Variants in SFSWAP observed in about 807,000 individuals in gnomAD.
SFSWAP encodes the protein splicing factor SWAP.
SFSWAP carries 17 observed loss-of-function variants against 100.7 expected under a neutral mutation model. The observed-to-expected ratio is 0.17, with a 90% CI of 0.12 to 0.25. SFSWAP has a LOEUF of 0.25. Ranked by LOEUF, SFSWAP falls within the 10% of genes least tolerant of loss-of-function variation. The pLI is 1.00. For synonymous variants in SFSWAP, 504 were observed against 510.1 expected (o/e 0.99, Z 0.16); for missense variants, 1,005 against 1,262.6 (o/e 0.80, Z 3.09).
In SFSWAP at chr12:131,797,335, C is replaced by T. The variant is rs749404715; in HGVS notation, c.2692C>T (p.Arg898Trp). The T allele has an allele frequency of 9.3e-6, 15 of 1,609,732 alleles. No homozygotes were observed. The highest frequency in any genetic ancestry group is 1.7e-5 in the Admixed American group (1 of 59,550). The change falls in exon 16 of 18, where the codon CGG becomes TGG. Residue 898 changes from arginine (R) to tryptophan (W), a missense_variant. Coordinates refer to ENST00000261674, the MANE Select transcript of SFSWAP (RefSeq NM_004592.4). Reference protein sequence around the residue: ...HSASVSPVESRGSSQERSRGV... With the variant: ...HSASVSPVESWGSSQERSRGV... ...AGCCAGCGTCTCCCCTGTGGAGAGTCGGGGCTCCAGCCAGGAGCGCTCCAG... is the reference window on the plus strand; with the variant it reads ...AGCCAGCGTCTCCCCTGTGGAGAGTTGGGGCTCCAGCCAGGAGCGCTCCAG...
intron 13 of SFSWAP, among the ~76,000 whole-genome samples, chr12:131,769,456 G>A (rs572677821): frequency 3.3e-5 from 5 of 152,218 alleles, no homozygotes; most frequent in East Asian, 1.9e-4. Context: ...CGTGTATGTC[G>A]TCATAAAATT....
chr12:131,785,133 AG>A (rs1260997274), intron 14 of SFSWAP: 1 of 1,535,584 alleles, frequency 6.5e-7, no homozygotes, highest in Non-Finnish European at 8.7e-7. Context: ...CGTCAGTGAC[AG>A]CGGCAGCCGA....
In SFSWAP at chr12:131,734,601, C is replaced by T. The variant is rs1346794963; in HGVS notation, c.1081+6173C>T. The stretch of plus-strand genomic sequence containing the variant: ...GACCCGGAGCTCTGTGAGGCAAAGG[C>T]TGGGACTGTCTTACTAGCCAGCGTG... On this transcript the variant is annotated intron_variant, in intron 7 of 17. Transcript: ENST00000261674. This position sits in a 1 kb window ranked among gnomAD's most constrained non-coding sequence, Gnocchi z 4.9. Among the ~76,000 whole-genome samples, 1 of 152,204 alleles carries T rather than the reference C, an allele frequency of 6.6e-6. No individual in the cohort carries two copies. Among genetic ancestry groups the T allele is most frequent in the East Asian group, 1.9e-4 (1 of 5,196 alleles).
intron 11 of SFSWAP, among the ~76,000 whole-genome samples, chr12:131,763,283 C>G (rs1882830023): frequency 6.6e-6 from 1 of 152,200 alleles, no homozygotes; most frequent in South Asian, 2.1e-4. Context: ...CAGAAGCGGC[C>G]TTGTTTACCC....
intron 6 of SFSWAP, among the ~76,000 whole-genome samples, chr12:131,727,592 C>A (rs1566009388): frequency 6.6e-6 from 1 of 152,088 alleles, no homozygotes; most frequent in Non-Finnish European, 1.5e-5. Flanking sequence ...TTGCAGTGAG[C>A]CAAGATCACA....
intron 11 of SFSWAP, among the ~76,000 whole-genome samples, chr12:131,759,598 G>C (rs571651966): frequency 3.4e-4 from 52 of 152,140 alleles, no homozygotes; most frequent in African/African-American, 1.2e-3. Flanking sequence ...AGGAGATCGA[G>C]ACCATCCTGG....
At chr12:131,728,143 C>A in intron 6 of SFSWAP, 150 bp from the exon 7 acceptor site, 1 of 818,060 alleles carries the variant, frequency 1.2e-6, no homozygotes, top group Non-Finnish European at 1.9e-6. Context: ...GGCATTTGGC[C>A]ACAACTCGTT....
At chr12:131,749,265 G>A (rs554562937) in intron 7 of SFSWAP, among the ~76,000 whole-genome samples, 16 of 152,256 alleles carry the variant, frequency 1.1e-4, no homozygotes, top group East Asian at 7.7e-4. Flanking sequence ...AAGTAGCCTC[G>A]CTATAAGCCC....
At chr12:131,781,368 GCTGGGA>G (rs1274695371) in intron 14 of SFSWAP, among the ~76,000 whole-genome samples, 1 of 151,274 alleles carries the variant, frequency 6.6e-6, no homozygotes, top group African/African-American at 2.4e-5. Context: ...CTCCCGAGTA[GCTGGGA>G]CTACAGGCGC....
chr12:131,797,058 C>T (rs1885728795), intron 15 of SFSWAP, 120 bp from the exon 16 acceptor site: 9 of 803,538 alleles, frequency 1.1e-5, no homozygotes, highest in East Asian at 2.4e-5. Flanking sequence ...GGAGTGGTTC[C>T]GTCCCTGAAT....
At chr12:131,736,108 A>G (rs1451644658) in intron 7 of SFSWAP, among the ~76,000 whole-genome samples, 1 of 152,202 alleles carries the variant, frequency 6.6e-6, no homozygotes, top group East Asian at 1.9e-4. Flanking sequence ...ACAAGGCGGC[A>G]CCAGCACAGA....
At chr12:131,720,701 G>A (rs1355941676) in intron 4 of SFSWAP, among the ~76,000 whole-genome samples, 1 of 152,152 alleles carries the variant, frequency 6.6e-6, no homozygotes, top group Non-Finnish European at 1.5e-5. Context: ...GAATTTGATG[G>A]TTCTTACCCT....
At chr12:131,774,546 C>A (rs540415291) in intron 13 of SFSWAP, among the ~76,000 whole-genome samples, 1 of 152,316 alleles carries the variant, frequency 6.6e-6, no homozygotes, top group Non-Finnish European at 1.5e-5. Context: ...GTCTGCCCCC[C>A]TACATTCAAA....
intron 13 of SFSWAP, among the ~76,000 whole-genome samples, chr12:131,767,525 CTG>C (rs1883211160): frequency 6.6e-6 from 1 of 152,136 alleles, no homozygotes; most frequent in Admixed American, 6.6e-5. Flanking sequence ...TGTGACAAAA[CTG>C]GGCATTTTAG....
At chr12:131,781,780 T>C (rs1467106815) in intron 14 of SFSWAP, among the ~76,000 whole-genome samples, 1 of 152,210 alleles carries the variant, frequency 6.6e-6, no homozygotes, top group Non-Finnish European at 1.5e-5. Flanking sequence ...AGGTAGTATC[T>C]ACATACTTCT....
intron 13 of SFSWAP, among the ~76,000 whole-genome samples, chr12:131,774,232 G>A (rs774732911): frequency 3.9e-5 from 6 of 152,316 alleles, no homozygotes; most frequent in Non-Finnish European, 5.9e-5. Flanking sequence ...ACGCCGCAGT[G>A]TTGGTTATCC....
Position 131,730,605 on chromosome 12 carries a change from G to T in SFSWAP, c.1081+2177G>T, listed in dbSNP as rs1879406779. Among the ~76,000 whole-genome samples the T allele has an allele frequency of 6.6e-6, 1 of 152,160 alleles. No homozygotes were observed. The highest frequency in any genetic ancestry group is 2.1e-4 in the South Asian group (1 of 4,834). On this transcript the variant is annotated intron_variant, in intron 7 of 17. Transcript: ENST00000261674. This position sits in a 1 kb window ranked among gnomAD's most constrained non-coding sequence, Gnocchi z 4.0. The stretch of plus-strand genomic sequence containing the variant: ...GTGAGCTGTCTGGGTCAGAAGGCTT[G>T]GTACATTCCCAAGGGTTCACCGCAG...
intron 12 of SFSWAP, among the ~76,000 whole-genome samples, chr12:131,765,376 C>T (rs1484170077): frequency 2.6e-5 from 4 of 152,202 alleles, no homozygotes; most frequent in South Asian, 2.1e-4. Flanking sequence ...AGGCCAGGCG[C>T]GGTAGCTCAT....
intron 13 of SFSWAP, among the ~76,000 whole-genome samples, chr12:131,769,965 A>G (rs1883452392): frequency 1.3e-5 from 2 of 152,146 alleles, no homozygotes; most frequent in Admixed American, 1.3e-4. Context: ...CTCTCCCTGG[A>G]TATATGTGTG....
Sources: gnomAD v4.1 joint callset for allele counts (sites outside exome capture counted in the v4.1 genomes callset) on GRCh38, gnomAD v4.1.1 for gene constraint, Gnocchi (gnomAD v3.1) non-coding constraint, MANE v1.5 for transcripts, NCBI Gene and HGNC (gene_info 2026-07-23, HGNC 2026-07-21) for gene names.